Variants in PNPLA5 observed in about 807,000 individuals in gnomAD.
PNPLA5 encodes patatin like domain 5, triacylglycerol lipase.
Under a neutral mutation model 49.1 loss-of-function variants are expected in PNPLA5, and 44 were observed. That is an observed-to-expected ratio of 0.90 (90% CI 0.70 to 1.15). The LOEUF (loss-of-function observed/expected upper bound fraction) is 1.15, where lower values mean the gene tolerates loss of function less well. Ranked by LOEUF, PNPLA5 falls within the 50% of genes most tolerant of loss-of-function variation. The pLI is 0.00. For missense variants in PNPLA5, 603 were observed against 564.0 expected, an observed-to-expected ratio of 1.07 and a Z score of -0.70; for synonymous variants, 243 against 244.4, an observed-to-expected ratio of 0.99 and a Z score of 0.06.
chr22:43,884,384 G>C (rs1160157666), intron 6 of PNPLA5, 39 bp from the exon 7 acceptor site: 3 of 1,500,864 alleles, frequency 2.0e-6, no homozygotes, highest in Non-Finnish European at 2.7e-6. Context: ...CCCACCTGAA[G>C]TCTGTGGGCC....
At position 43,891,867 on chromosome 22, in the gene PNPLA5, T is replaced by A; in HGVS notation, c.14A>T (p.Glu5Val). 1 of 1,515,354 alleles carries A rather than the reference T, an allele frequency of 6.6e-7. No individual in the cohort carries two copies. Among genetic ancestry groups the A allele is most frequent in the South Asian group, 1.3e-5 (1 of 78,948 alleles). The allele number at this position is 1,515,354 out of a possible 1,614,324, so 93.9% of individuals were successfully genotyped here. The change falls in exon 1 of 9, where the codon GAG (glutamate) becomes GTG (valine). Residue 5 changes from glutamate to valine, a missense_variant. Physicochemically the swap from Glu to Val is moderately radical, Grantham distance 121 (BLOSUM62 -2). Coordinates refer to ENST00000216177, the MANE Select transcript of PNPLA5 (RefSeq NM_138814.4). ...GGACAGGTTCCATCTGCCCTCCTCC[T>A]CTAAGAAGCCCATGGCGGGTGGACC... MGFLEEEGRWNLSFS... is the reference protein window; with the variant it reads MGFLVEEGRWNLSFS...
Position 43,885,201 on chromosome 22 carries a change from C to T in PNPLA5, c.950-856G>A, listed in dbSNP as rs188854148. 5.2e-4 allele frequency among the ~76,000 whole-genome samples: 79 copies of T among 152,336 alleles called. No individual in the cohort carries two copies. In the Middle Eastern group the frequency reaches 0.031, roughly 59 times the overall value. ...CCCCGTGTGGCTACAGGTACACTGC[C>T]GGGTTCCAGAATCCCAAGCTTGGAC... is the stretch of plus-strand genomic sequence containing the variant. On this transcript the variant is annotated intron_variant, in intron 6 of 8. Transcript: ENST00000216177.
In PNPLA5 at chr22:43,880,368, G is replaced by T. The variant is rs571414354; in HGVS notation, c.*427C>A. 1,325 of 398,570 alleles carry T rather than the reference G, an allele frequency of 3.3e-3. 2 individuals are homozygous for T. The highest frequency in any genetic ancestry group is 5.0e-3 in the Admixed American group (113 of 22,742). The allele number at this position is 398,570 out of a possible 1,614,324, so 24.7% of individuals were successfully genotyped here. On this transcript the variant is annotated 3_prime_UTR_variant, in exon 9 of 9. Coordinates refer to ENST00000216177, the MANE Select transcript of PNPLA5 (RefSeq NM_138814.4). ...GGCCGCTGCAGGACTGAGAAAGTCT[G>T]GGGGGAGCACCCCCACCCCATCATC...
chr22:43,880,894 G>C lies in PNPLA5; in HGVS notation c.1200-9C>G, dbSNP rs2049603217. The C allele has an allele frequency of 7.6e-7, 1 of 1,322,022 alleles. No individual in the cohort carries two copies. Among genetic ancestry groups the C allele is most frequent in the East Asian group, 2.8e-5 (1 of 35,660 alleles). The allele number at this position is 1,322,022 out of a possible 1,614,324, so 81.9% of individuals were successfully genotyped here. ...CGCGAGTGGCCGGAGGGCTGTGGAG[G>C]GAGGAGAAGCCACGGGTAAATGCCT... On this transcript the variant is annotated splice_polypyrimidine_tract_variant and intron_variant, in intron 8 of 8. Transcript: ENST00000216177.
At position 43,880,259 on chromosome 22, in the gene PNPLA5, C is replaced by G; in HGVS notation, c.*536G>C. 2.5e-6 allele frequency: 1 copy of G among 397,548 alleles called. No individual in the cohort carries two copies. Among genetic ancestry groups the G allele is most frequent in the Non-Finnish European group, 4.4e-6 (1 of 226,008 alleles). 24.6% of individuals were successfully genotyped at this position (397,548 alleles called of 1,614,324 possible). A position where few individuals can be genotyped will look rare whatever the true frequency, so the allele number is the denominator to read the frequency against. ...CTCTCCTCCTCCTCCTGCTTCCTGC[C>G]AGGGCCTTCCACCCTCTGGACCTGA... On this transcript the variant is annotated 3_prime_UTR_variant, in exon 9 of 9. Transcript: ENST00000216177.
Position 43,890,811 on chromosome 22 carries a change from G to A in PNPLA5, c.426+251C>T, listed in dbSNP as rs117608265. ...GCCCTCTGGAAAGAGCAGTCCCTGTGGGGGCCCTGACTCAGCAGCCTGACT... is the reference window on the plus strand; with the variant it reads ...GCCCTCTGGAAAGAGCAGTCCCTGTAGGGGCCCTGACTCAGCAGCCTGACT... On this transcript the variant is annotated intron_variant, in intron 2 of 8. Transcript: ENST00000216177. Among the ~76,000 whole-genome samples, 1,009 of 152,318 alleles carry A rather than the reference G, an allele frequency of 6.6e-3. 8 individuals carry two copies. Among genetic ancestry groups the A allele is most frequent in the Middle Eastern group, 0.01 (3 of 294 alleles).
chr22:43,886,224 C>T, intron 6 of PNPLA5, 79 bp downstream of exon 6: 1 of 1,481,154 alleles, frequency 6.8e-7, no homozygotes, highest in Non-Finnish European at 9.1e-7. Flanking sequence ...ACCACGAGTG[C>T]CTTCAAGGCA....
chr22:43,880,678 G>T lies in PNPLA5; in HGVS notation c.*117C>A. On this transcript the variant is annotated 3_prime_UTR_variant, in exon 9 of 9. Transcript: ENST00000216177. ...CCAAGGAACGGGCTCCAAGCTGCAG[G>T]GTCTCCACGGAGATTGGCAGGGCCT... is the stretch of plus-strand genomic sequence containing the variant. 2.9e-6 allele frequency: 3 copies of T among 1,029,634 alleles called. No individual in the cohort carries two copies. The highest frequency in any genetic ancestry group is 3.3e-5 in the East Asian group (1 of 30,760). The allele number at this position is 1,029,634 out of a possible 1,614,324, so 63.8% of individuals were successfully genotyped here.
rs747318600 is a variant in PNPLA5 at position 43,891,800 on chromosome 22, G to A, written c.81C>T (p.Ala27=). The A allele has an allele frequency of 1.6e-5, 25 of 1,525,820 alleles. No individual in the cohort carries two copies. The African/African-American group carries it at 3.1e-4, about 19-fold the overall frequency. The allele number at this position is 1,525,820 out of a possible 1,614,324, so 94.5% of individuals were successfully genotyped here. ...GGGCTCGCTGGCGCAGGCATTCGGT[G>A]GCGCCCACGTGGTGGGCGCCCAGGT... The part of the protein sequence containing the change: ...AGYLGAHHVG[A]TECLRQRAPR... Residue 27 remains alanine, a synonymous_variant, in exon 1 of 9, where the codon GCC becomes GCT. Coordinates refer to ENST00000216177, the MANE Select transcript of PNPLA5 (RefSeq NM_138814.4).
Position 43,880,334 on chromosome 22 carries a change from AC to A in PNPLA5, c.*460del. On this transcript the variant is annotated 3_prime_UTR_variant, in exon 9 of 9. Coordinates refer to ENST00000216177, the MANE Select transcript of PNPLA5 (RefSeq NM_138814.4). Reference sequence around the variant, plus strand: ...CTGAGTGGGGTAGATGCCGGGGGTCACCCCCAAGGGCCGCTGCAGGACTGAG... The same window carrying A: ...CTGAGTGGGGTAGATGCCGGGGGTCACCCCAAGGGCCGCTGCAGGACTGAG... 1 of 398,346 alleles carries A rather than the reference AC, an allele frequency of 2.5e-6. No homozygotes were observed. The highest frequency in any genetic ancestry group is 4.4e-6 in the Non-Finnish European group (1 of 226,092). 24.7% of individuals were successfully genotyped at this position (398,346 alleles called of 1,614,324 possible). A position where few individuals can be genotyped will look rare whatever the true frequency, so the allele number is the denominator to read the frequency against.
intron 4 of PNPLA5, among the ~76,000 whole-genome samples, chr22:43,889,106 A>G (rs755612206): frequency 5.3e-5 from 8 of 152,238 alleles, no homozygotes; most frequent in Non-Finnish European, 1.0e-4. Context: ...TCCCATTGAC[A>G]TGGGGCCAGT....
chr22:43,890,977 G>A (rs1451158441), intron 2 of PNPLA5, 85 bp downstream of exon 2: 18 of 1,498,714 alleles, frequency 1.2e-5, no homozygotes, highest in Non-Finnish European at 1.6e-5. Flanking sequence ...CTGCAGAAAC[G>A]TCTGACGGGG....
chr22:43,891,990 G>A lies in PNPLA5; in HGVS notation c.-110C>T. ...GCTGGGCCCAAATGTGGGCTCTGGA[G>A]GGAGCCGGGCTGGGGCTGGTGCTGG... On this transcript the variant is annotated 5_prime_UTR_variant, in exon 1 of 9. Coordinates refer to ENST00000216177, the MANE Select transcript of PNPLA5 (RefSeq NM_138814.4). 1.7e-6 allele frequency: 2 copies of A among 1,157,370 alleles called. No homozygotes were observed. Among genetic ancestry groups the A allele is most frequent in the Non-Finnish European group, 1.2e-6 (1 of 851,472 alleles). The allele number at this position is 1,157,370 out of a possible 1,614,324, so 71.7% of individuals were successfully genotyped here.
Position 43,886,210 on chromosome 22 carries a change from C to T in PNPLA5, c.949+93G>A, listed in dbSNP as rs1278322015. 4.2e-6 allele frequency: 6 copies of T among 1,416,380 alleles called. No individual in the cohort carries two copies. In the South Asian group the frequency reaches 5.7e-5, roughly 14 times the overall value. The allele number at this position is 1,416,380 out of a possible 1,614,324, so 87.7% of individuals were successfully genotyped here. ...CTCAGTAAATGAGTCCTGTCCTCTTCCAGACCACGAGTGCCTTCAAGGCAG... is the reference window on the plus strand; with the variant it reads ...CTCAGTAAATGAGTCCTGTCCTCTTTCAGACCACGAGTGCCTTCAAGGCAG... On this transcript the variant is annotated intron_variant, in intron 6 of 8. Transcript: ENST00000216177.
intron 2 of PNPLA5, 103 bp from the exon 3 acceptor site, chr22:43,889,967 C>A: frequency 6.6e-7 from 1 of 1,515,494 alleles, no homozygotes; most frequent in South Asian, 1.3e-5. Context: ...AAGGAGGTGT[C>A]ATCAGTCCCA....
chr22:43,886,092 G>A (rs1383515519), intron 6 of PNPLA5, among the ~76,000 whole-genome samples: 2 of 152,214 alleles, frequency 1.3e-5, no homozygotes, highest in Non-Finnish European at 2.9e-5. Flanking sequence ...AGTGAAGTGG[G>A]TACGAATAAT....
In PNPLA5 at chr22:43,891,251, C is replaced by T; in HGVS notation, c.237G>A (p.Glu79=). 1 of 1,558,722 alleles carries T rather than the reference C, an allele frequency of 6.4e-7. No individual in the cohort carries two copies. Among genetic ancestry groups the T allele is most frequent in the Admixed American group, 1.8e-5 (1 of 54,972 alleles). ...GGTGCAGGATGCTTAGGCTCAGCCG[C>T]TCCAACTGCCCAACCATGCCCAGGA... ...SHLLGMVGQL[E]RLSLSILHPA... is the part of the protein sequence containing the mutation. Residue 79 remains glutamate, a synonymous_variant, in exon 2 of 9, where the codon GAG becomes GAA. Transcript: ENST00000216177.
rs908763194 is a variant in PNPLA5 at position 43,891,863 on chromosome 22, C to T, written c.18G>A (p.Glu6=). ...AGAAGGACAGGTTCCATCTGCCCTC[C>T]TCCTCTAAGAAGCCCATGGCGGGTG... MGFLE[E]EGRWNLSFSG... is the part of the protein sequence containing the mutation. The change falls in exon 1 of 9, where the codon GAG becomes GAA. Residue 6 remains glutamate, a synonymous_variant. Transcript: ENST00000216177. 3 of 1,518,518 alleles carry T rather than the reference C, an allele frequency of 2.0e-6. No homozygotes were observed. The African/African-American group carries it at 4.3e-5, about 22-fold the overall frequency. 94.1% of individuals were successfully genotyped at this position (1,518,518 alleles called of 1,614,324 possible).
At chr22:43,886,081 C>T (rs1260958267) in intron 6 of PNPLA5, among the ~76,000 whole-genome samples, 1 of 152,188 alleles carries the variant, frequency 6.6e-6, no homozygotes, top group East Asian at 1.9e-4. Context: ...GTTTCCTCAT[C>T]AGTGAAGTGG....
Sources: allele counts gnomAD v4.1 joint callset (sites outside exome capture counted in the v4.1 genomes callset), GRCh38; gene constraint gnomAD v4.1.1; transcripts MANE v1.5; gene names NCBI Gene and HGNC (gene_info 2026-07-23, HGNC 2026-07-21).